SLC25A21: variants seen among roughly 807,000 people sequenced by gnomAD.
SLC25A21 encodes solute carrier family 25 member 21.
A neutral mutation model predicts 43.8 loss-of-function variants in SLC25A21; 47 were observed. The ratio of observed to expected loss-of-function variants is 1.07; its 90% CI spans 0.85 to 1.37. SLC25A21 has a LOEUF of 1.37. SLC25A21 is among the 40% of genes most tolerant of loss of function. The probability of loss-of-function intolerance (pLI) is 0.00; values close to 1 mark genes in which losing one functional copy is unlikely to be tolerated. For missense variants in SLC25A21, 352 were observed against 350.2 expected (o/e 1.00, Z -0.04); for synonymous variants, 131 against 121.3 (o/e 1.08, Z -0.52).
In SLC25A21 at chr14:37,160,782, T is replaced by G. The variant is rs183930613; in HGVS notation, c.70+11499A>C. On this transcript the variant is annotated intron_variant, in intron 1 of 9. Transcript: ENST00000331299. ...CTGTCTCTACTAAAAATACAGAAGT[T>G]AGCTGGGCCTGGTAGCATGTGCCTG... Among the ~76,000 whole-genome samples, 487 of 151,640 alleles carry G rather than the reference T, an allele frequency of 3.2e-3. 1 individual carries two copies. Among genetic ancestry groups the G allele is most frequent in the African/African-American group, 0.011 (440 of 41,320 alleles).
chr14:36,908,297 G>T (rs1395186635), intron 1 of SLC25A21, among the ~76,000 whole-genome samples: 5 of 152,132 alleles, frequency 3.3e-5, no homozygotes, highest in Non-Finnish European at 7.4e-5. Context: ...TTGACAGTGG[G>T]GGCATCTCTG....
intron 2 of SLC25A21, among the ~76,000 whole-genome samples, 183 bp from the exon 3 acceptor site, chr14:36,814,184 C>T (rs1427370994): frequency 9.9e-5 from 15 of 152,248 alleles, no homozygotes; most frequent in African/African-American, 3.1e-4. Context: ...TTTAAAATTA[C>T]ATTTCTCTGT....
At chr14:37,109,104 C>T (rs1962972373) in intron 1 of SLC25A21, among the ~76,000 whole-genome samples, 1 of 152,120 alleles carries the variant, frequency 6.6e-6, no homozygotes, top group Non-Finnish European at 1.5e-5. Context: ...AATTTTGTTA[C>T]AATTCTCTTA....
intron 2 of SLC25A21, among the ~76,000 whole-genome samples, chr14:36,856,149 C>T (rs1426021872): frequency 1.3e-5 from 2 of 152,110 alleles, no homozygotes; most frequent in Non-Finnish European, 2.9e-5. Flanking sequence ...GTGGGGAAGT[C>T]GGCATCCAAT....
chr14:36,696,928 T>C (rs193163732), intron 7 of SLC25A21, among the ~76,000 whole-genome samples: 1 of 152,336 alleles, frequency 6.6e-6, no homozygotes, highest in East Asian at 1.9e-4. Context: ...GCTCCGATTG[T>C]AGTTATTTCT....
intron 1 of SLC25A21, among the ~76,000 whole-genome samples, chr14:37,101,229 C>G (rs1962811463): frequency 6.6e-6 from 1 of 152,170 alleles, no homozygotes; most frequent in African/African-American, 2.4e-5. Flanking sequence ...TTTTTCACCT[C>G]TAAAATTTCC....
intron 1 of SLC25A21, among the ~76,000 whole-genome samples, chr14:37,117,617 A>G (rs1212641871): frequency 1.3e-5 from 2 of 152,142 alleles, no homozygotes; most frequent in African/African-American, 2.4e-5. Context: ...CACTCTCCAC[A>G]TGGGAATACA....
intron 3 of SLC25A21, among the ~76,000 whole-genome samples, chr14:36,766,735 G>A (rs930245681): frequency 6.6e-6 from 1 of 152,066 alleles, no homozygotes; most frequent in Non-Finnish European, 1.5e-5. Flanking sequence ...TGGTGGAAAG[G>A]GTCAGGCCTT....
At chr14:37,124,145 A>G (rs1963257221) in intron 1 of SLC25A21, among the ~76,000 whole-genome samples, 1 of 151,550 alleles carries the variant, frequency 6.6e-6, no homozygotes, top group East Asian at 2.0e-4. Flanking sequence ...TGCTCAGGGT[A>G]GTCTTGAACT....
chr14:36,761,233 G>A (rs2139278612), intron 3 of SLC25A21, among the ~76,000 whole-genome samples: 1 of 152,284 alleles, frequency 6.6e-6, no homozygotes, highest in East Asian at 1.9e-4. Flanking sequence ...GCCGGCCTGT[G>A]GGGTGCGACT....
chr14:36,710,029 A>G (rs1389052291), intron 7 of SLC25A21, among the ~76,000 whole-genome samples: 1 of 152,144 alleles, frequency 6.6e-6, no homozygotes, highest in East Asian at 1.9e-4. Flanking sequence ...AGACGTTGAA[A>G]AAGGCTGCTT....
chr14:37,034,575 G>A (rs1961287352), intron 1 of SLC25A21, among the ~76,000 whole-genome samples: 2 of 152,170 alleles, frequency 1.3e-5, no homozygotes, highest in South Asian at 4.1e-4. Flanking sequence ...TATGTGGAGT[G>A]ATTAATGGCA....
At chr14:36,752,053 C>A (rs752319377) in intron 3 of SLC25A21, among the ~76,000 whole-genome samples, 1 of 152,200 alleles carries the variant, frequency 6.6e-6, no homozygotes, top group Non-Finnish European at 1.5e-5. Flanking sequence ...GTCAGACACA[C>A]TTCTCATGTA....
At chr14:37,149,707 AAAAT>A (rs1265533322) in intron 1 of SLC25A21, among the ~76,000 whole-genome samples, 6 of 152,194 alleles carry the variant, frequency 3.9e-5, no homozygotes, top group African/African-American at 1.2e-4. Flanking sequence ...CAAGACTCAA[AAAAT>A]AAATAAATAA....
intron 2 of SLC25A21, among the ~76,000 whole-genome samples, chr14:36,856,401 C>T (rs1372035558): frequency 6.6e-6 from 1 of 152,110 alleles, no homozygotes; most frequent in Non-Finnish European, 1.5e-5. Flanking sequence ...AGCATTAAGT[C>T]CCAGTAGCTC....
chr14:36,782,275 C>G (rs1416821742), intron 3 of SLC25A21, among the ~76,000 whole-genome samples: 1 of 152,128 alleles, frequency 6.6e-6, no homozygotes, highest in African/African-American at 2.4e-5. Flanking sequence ...ACATCTTGCC[C>G]AATATTTGGG....
intron 1 of SLC25A21, among the ~76,000 whole-genome samples, chr14:36,887,667 G>A (rs936949315): frequency 1.3e-4 from 20 of 152,046 alleles, no homozygotes; most frequent in African/African-American, 4.6e-4. Flanking sequence ...AAGCTCTATG[G>A]CTTGGGGAAG....
At chr14:36,892,844 T>C (rs1187949994) in intron 1 of SLC25A21, among the ~76,000 whole-genome samples, 3 of 152,084 alleles carry the variant, frequency 2.0e-5, no homozygotes, top group African/African-American at 4.8e-5. Context: ...TGATGGTCTC[T>C]AGCTTCATCC....
At chr14:36,762,062 T>C (rs1310958148) in intron 3 of SLC25A21, among the ~76,000 whole-genome samples, 1 of 152,216 alleles carries the variant, frequency 6.6e-6, no homozygotes, top group Non-Finnish European at 1.5e-5. Flanking sequence ...CTTATTTGCA[T>C]ATGTGAGCAG....
Sources: allele counts gnomAD v4.1 joint callset (sites outside exome capture counted in the v4.1 genomes callset), GRCh38; gene constraint gnomAD v4.1.1; transcripts MANE v1.5; gene names NCBI Gene and HGNC (gene_info 2026-07-23, HGNC 2026-07-21).